The following CHST9 variants were observed in gnomAD, a reference collection of about 807,000 sequenced individuals.
CHST9 encodes the protein GalNAc-4-sulfotransferase 2.
CHST9 carries 41 observed loss-of-function variants against 44.4 expected under a neutral mutation model. The observed-to-expected ratio is 0.92, with a 90% confidence interval of 0.72 to 1.20. The LOEUF is 1.20. Ranked by LOEUF, CHST9 falls within the 50% of genes most tolerant of loss-of-function variation. CHST9 has a pLI of 0.00. For missense variants in CHST9, 504 were observed against 516.5 expected, an observed-to-expected ratio of 0.98 and a Z score of 0.23; for synonymous variants, 171 against 178.4, an observed-to-expected ratio of 0.96 and a Z score of 0.33.
intron 4 of CHST9, among the ~76,000 whole-genome samples, chr18:27,013,550 C>T (rs2057110303): frequency 6.6e-6 from 1 of 152,194 alleles, no homozygotes; most frequent in Non-Finnish European, 1.5e-5. Context: ...ACTCTTCTAA[C>T]AACTTCTAAA....
chr18:27,149,888 T>G (rs2143894079), intron 1 of CHST9, among the ~76,000 whole-genome samples: 1 of 152,200 alleles, frequency 6.6e-6, no homozygotes, highest in Middle Eastern at 3.4e-3. Flanking sequence ...TTGTTCAAGT[T>G]TCATTTTTCT....
At chr18:27,052,839 T>C (rs1255783908) in intron 2 of CHST9, among the ~76,000 whole-genome samples, 1 of 151,666 alleles carries the variant, frequency 6.6e-6, no homozygotes, top group Non-Finnish European at 1.5e-5. Flanking sequence ...ACCATACACC[T>C]CATATTCTTA....
At chr18:27,160,838 G>A (rs916831290) in intron 1 of CHST9, among the ~76,000 whole-genome samples, 3 of 152,124 alleles carry the variant, frequency 2.0e-5, no homozygotes, top group Non-Finnish European at 4.4e-5. Flanking sequence ...TTTAGTCTTG[G>A]GAGGTTGTAT....
At chr18:26,975,313 A>G (rs2056603813) in intron 4 of CHST9, among the ~76,000 whole-genome samples, 1 of 152,094 alleles carries the variant, frequency 6.6e-6, no homozygotes, top group African/African-American at 2.4e-5. Context: ...ATACAAGTAT[A>G]ATTTTGTTAC....
At chr18:27,034,454 A>C (rs2057370946) in intron 3 of CHST9, among the ~76,000 whole-genome samples, 1 of 152,182 alleles carries the variant, frequency 6.6e-6, no homozygotes, top group African/African-American at 2.4e-5. Flanking sequence ...CCTGTGTCAG[A>C]GAGCTTAAAA....
chr18:27,142,869 T>TTCCTTG lies in CHST9; in HGVS notation c.-61_-60insCAAGGA, dbSNP rs1281698411. On this transcript the variant is annotated 5_prime_UTR_variant, in exon 2 of 6. Coordinates refer to ENST00000618847, the MANE Select transcript of CHST9 (RefSeq NM_031422.6). ...TTGTTTTCCCGTAAAACTTCAGTCT[T>TTCCTTG]TTCTTGTTCTCTAAGAGCCCAATTC... 6.5e-7 allele frequency: 1 copy of TTCCTTG among 1,528,174 alleles called. No homozygotes were observed. Among genetic ancestry groups the TTCCTTG allele is most frequent in the African/African-American group, 1.4e-5 (1 of 71,966 alleles). 94.7% of individuals were successfully genotyped at this position (1,528,174 alleles called of 1,614,324 possible).
rs972398681 is a variant in CHST9 at position 26,991,881 on chromosome 18, T to C, written c.202+32235A>G. Among the ~76,000 whole-genome samples the C allele has an allele frequency of 4.7e-5, 6 of 126,702 alleles. 1 individual carries two copies. The highest frequency in any genetic ancestry group is 1.6e-4 in the African/African-American group (6 of 37,560). 83.1% of individuals were successfully genotyped at this position (126,702 alleles called of 152,430 possible). ...AAGTGAAAGTCCCTGTGGAAGGGCT[T>C]TGAGAAGGAATGGACAAGAAGAACT... is the stretch of plus-strand genomic sequence containing the variant. On this transcript the variant is annotated intron_variant, in intron 4 of 5. Transcript: ENST00000618847.
chr18:27,088,244 G>A (rs1009906379), intron 2 of CHST9, among the ~76,000 whole-genome samples: 1 of 152,050 alleles, frequency 6.6e-6, no homozygotes, highest in Non-Finnish European at 1.5e-5. Context: ...AGGCTTTCCT[G>A]GCAAAGATAA....
intron 3 of CHST9, among the ~76,000 whole-genome samples, chr18:27,025,838 G>A (rs1414679196): frequency 2.0e-5 from 3 of 152,062 alleles, no homozygotes; most frequent in South Asian, 2.1e-4. Context: ...TAAGAATATT[G>A]TTTAGACTAG....
intron 2 of CHST9, among the ~76,000 whole-genome samples, chr18:27,077,948 T>G (rs1367781615): frequency 6.6e-6 from 1 of 151,998 alleles, no homozygotes; most frequent in Non-Finnish European, 1.5e-5. Flanking sequence ...CAAGCATGTT[T>G]CCATGGCAGG....
intron 5 of CHST9, among the ~76,000 whole-genome samples, chr18:26,932,046 T>C (rs986399462): frequency 2.6e-5 from 4 of 152,160 alleles, no homozygotes; most frequent in South Asian, 2.1e-4. Context: ...CCGAGTTACC[T>C]TGAGGTAGCC....
At chr18:26,918,529 T>A (rs892897766) in intron 5 of CHST9, among the ~76,000 whole-genome samples, 2 of 152,054 alleles carry the variant, frequency 1.3e-5, no homozygotes, top group African/African-American at 4.8e-5. Context: ...AGTACATATA[T>A]ATGTGTGTGT....
chr18:26,934,484 C>T (rs28595003), intron 5 of CHST9: 18,439 of 151,922 alleles, frequency 0.12, 1,499 homozygotes, highest in African/African-American at 0.22. Context: ...TCCGCCCGCC[C>T]CCGCCTCCCA....
At chr18:26,935,617 A>G (rs1009790869) in intron 5 of CHST9, 1 of 152,240 alleles carries the variant, frequency 6.6e-6, no homozygotes, top group Non-Finnish European at 1.5e-5. Context: ...ACACTGGCCT[A>G]ATTGCATTAT....
chr18:27,095,035 A>C (rs2058104042), intron 2 of CHST9, among the ~76,000 whole-genome samples: 1 of 152,208 alleles, frequency 6.6e-6, no homozygotes, highest in Non-Finnish European at 1.5e-5. Flanking sequence ...TGACATTAAA[A>C]AATATTCTTT....
At chr18:27,066,938 G>T (rs1008731956) in intron 2 of CHST9, among the ~76,000 whole-genome samples, 1 of 151,998 alleles carries the variant, frequency 6.6e-6, no homozygotes, top group Non-Finnish European at 1.5e-5. Context: ...TTTTAATAAG[G>T]CCTTACGTTT....
At chr18:27,044,067 C>G (rs185169925) in intron 3 of CHST9, among the ~76,000 whole-genome samples, 108 of 125,026 alleles carry the variant, frequency 8.6e-4, no homozygotes, top group African/African-American at 2.5e-3. Flanking sequence ...CCTTCCCCCC[C>G]CTTTATTTTA....
chr18:26,967,184 C>T (rs983728081), intron 4 of CHST9, among the ~76,000 whole-genome samples: 1 of 152,136 alleles, frequency 6.6e-6, no homozygotes, highest in Non-Finnish European at 1.5e-5. Context: ...CTTAGTCACA[C>T]CCCCTATGTC....
intron 1 of CHST9, among the ~76,000 whole-genome samples, chr18:27,168,941 T>A (rs1230339118): frequency 6.6e-6 from 1 of 152,214 alleles, no homozygotes; most frequent in East Asian, 1.9e-4. Flanking sequence ...AGAAATGATC[T>A]CCTGCTGGCC....
Sources: gnomAD v4.1 joint callset for allele counts (sites outside exome capture counted in the v4.1 genomes callset) on GRCh38, gnomAD v4.1.1 for gene constraint, MANE v1.5 for transcripts, NCBI Gene and HGNC (gene_info 2026-07-23, HGNC 2026-07-21) for gene names.